SLC71A2: variants seen among roughly 807,000 people sequenced by gnomAD.
SLC71A2 encodes the protein solute carrier family 71 member 2, also known as hippocampus abundant transcript-like 1.
the SLC71A2 span, among the ~76,000 whole-genome samples, chr9:94,414,852 G>T: frequency 6.6e-6 from 1 of 151,966 alleles, no homozygotes; most frequent in Non-Finnish European, 1.5e-5. Flanking sequence ...TAGAGGTGGG[G>T]TTTCACTATG....
the SLC71A2 span, chr9:94,415,382 ATTGT>A: frequency 1.5e-6 from 1 of 648,392 alleles, no homozygotes; most frequent in South Asian, 1.8e-5. Context: ...AGCTTGTTTC[ATTGT>A]TTTTTTTTTT....
chr9:94,446,864 C>G, the SLC71A2 span: 1 of 1,612,490 alleles, frequency 6.2e-7, no homozygotes, highest in South Asian at 1.1e-5. Context: ...TCTTACTAAT[C>G]TGCATCACCG....
At chr9:94,413,672 A>AAAAAG in the SLC71A2 span, among the ~76,000 whole-genome samples, 4 of 151,170 alleles carry the variant, frequency 2.6e-5, no homozygotes, top group Non-Finnish European at 5.9e-5. Flanking sequence ...AAAAAAAAAA[A>AAAAAG]AAAAAGCTAA....
chr9:94,441,330 TG>T, the SLC71A2 span, among the ~76,000 whole-genome samples: 7 of 152,138 alleles, frequency 4.6e-5, no homozygotes, highest in African/African-American at 1.7e-4. Flanking sequence ...TTACTCATGA[TG>T]ATGGAAGGCA....
the SLC71A2 span, chr9:94,459,762 C>A: frequency 1.3e-3 from 289 of 219,160 alleles, no homozygotes; most frequent in Non-Finnish European, 2.2e-3. Context: ...GCAATCTTTC[C>A]ATGCCCTTTT....
At chr9:94,445,085 G>A in the SLC71A2 span, 1 of 1,614,176 alleles carries the variant, frequency 6.2e-7, no homozygotes, top group Non-Finnish European at 8.5e-7. Context: ...CTGGACATCT[G>A]CTTCATCTTA....
At chr9:94,406,948 A>G in the SLC71A2 span, among the ~76,000 whole-genome samples, 2 of 152,248 alleles carry the variant, frequency 1.3e-5, no homozygotes, top group African/African-American at 2.4e-5. Context: ...ATTATACTGA[A>G]TAGAAGTGGG....
the SLC71A2 span, among the ~76,000 whole-genome samples, chr9:94,436,693 C>G: frequency 6.6e-6 from 1 of 152,044 alleles, no homozygotes; most frequent in African/African-American, 2.4e-5. Flanking sequence ...CTTTGAGTCC[C>G]TCCTCTTATC....
At chr9:94,430,223 ATTT>A in the SLC71A2 span, among the ~76,000 whole-genome samples, 1 of 102,476 alleles carries the variant, frequency 9.8e-6, no homozygotes, top group Non-Finnish European at 2.1e-5. Flanking sequence ...CTTTTAAATA[ATTT>A]TTTTTTTTTT....
the SLC71A2 span, chr9:94,415,202 C>T: frequency 3.1e-6 from 5 of 1,613,914 alleles, no homozygotes; most frequent in South Asian, 3.3e-5. Context: ...CTGCTATTGT[C>T]ATCTTCCTTG....
At chr9:94,374,667 C>T in the SLC71A2 span, 1 of 154,170 alleles carries the variant, frequency 6.5e-6, no homozygotes. Context: ...GCCTCCGCCG[C>T]CTCCTCAGCC....
chr9:94,456,271 A>G, the SLC71A2 span: 110 of 1,614,024 alleles, frequency 6.8e-5, no homozygotes, highest in Non-Finnish European at 8.8e-5. Context: ...CGTGGCTGCC[A>G]TGTCCAGCAT....
chr9:94,457,385 G>A, the SLC71A2 span, among the ~76,000 whole-genome samples: 2 of 113,458 alleles, frequency 1.8e-5, no homozygotes, highest in Non-Finnish European at 3.7e-5. Flanking sequence ...ATTTTTTAAT[G>A]CCTAAGAGCC....
At chr9:94,423,797 C>T in the SLC71A2 span, among the ~76,000 whole-genome samples, 1 of 152,240 alleles carries the variant, frequency 6.6e-6, no homozygotes, top group African/African-American at 2.4e-5. Flanking sequence ...ATGGTGGCAT[C>T]TTCACCTGAA....
chr9:94,451,391 A>C, the SLC71A2 span: 1 of 801,216 alleles, frequency 1.2e-6, no homozygotes, highest in African/African-American at 1.8e-5. Flanking sequence ...TTGTAATAGA[A>C]CATAATATTT....
chr9:94,378,376 A>G, the SLC71A2 span, among the ~76,000 whole-genome samples: 2 of 152,080 alleles, frequency 1.3e-5, no homozygotes, highest in Admixed American at 1.3e-4. Context: ...GGCTCCTTTT[A>G]GCAATGAGAT....
chr9:94,459,147 TC>T, the SLC71A2 span: 2 of 1,609,544 alleles, frequency 1.2e-6, no homozygotes, highest in African/African-American at 1.3e-5. Flanking sequence ...CCACTTGTTT[TC>T]CACGTTCAAC....
chr9:94,417,524 G>T, the SLC71A2 span, among the ~76,000 whole-genome samples: 1 of 152,070 alleles, frequency 6.6e-6, no homozygotes, highest in East Asian at 1.9e-4. Context: ...CTACTCGGAA[G>T]GCTGAGGCAG....
At chr9:94,407,769 A>G in the SLC71A2 span, among the ~76,000 whole-genome samples, 3 of 152,052 alleles carry the variant, frequency 2.0e-5, no homozygotes, top group Admixed American at 6.6e-5. Flanking sequence ...TTTGCTTTCC[A>G]TGGTTTCAGT....
Sources: gnomAD v4.1 joint callset for allele counts (sites outside exome capture counted in the v4.1 genomes callset) on GRCh38, gnomAD v4.1.1 for gene constraint, MANE v1.5 for transcripts, NCBI Gene and HGNC (gene_info 2026-07-23, HGNC 2026-07-21) for gene names.